HS3ST4: variants seen among roughly 807,000 people sequenced by gnomAD.
HS3ST4 encodes heparan sulfate-glucosamine 3-sulfotransferase 4, also known as heparan sulfate glucosamine 3-O-sulfotransferase 4.
Under a neutral mutation model 29.2 loss-of-function variants are expected in HS3ST4, and 17 were observed. The observed-to-expected ratio is 0.58, with a 90% CI of 0.40 to 0.87. HS3ST4 has a LOEUF of 0.87. HS3ST4 is among the 40% of genes least tolerant of loss of function. The pLI, the probability that HS3ST4 is intolerant of heterozygous loss-of-function variation, is 0.00. For missense variants in HS3ST4, 627 were observed against 634.5 expected (o/e 0.99, Z 0.13); for synonymous variants, 314 against 285.7 (o/e 1.10, Z -1.00).
chr16:26,005,148 T>G (rs1969246506), intron 1 of HS3ST4, among the ~76,000 whole-genome samples: 1 of 152,226 alleles, frequency 6.6e-6, no homozygotes, highest in Admixed American at 6.5e-5. Flanking sequence ...TGCAAAATGC[T>G]TACTTTCTGA....
intron 1 of HS3ST4, among the ~76,000 whole-genome samples, chr16:25,791,607 T>C (rs894680589): frequency 1.4e-4 from 22 of 152,112 alleles, no homozygotes; most frequent in African/African-American, 1.2e-4. Flanking sequence ...TTGTAGACTT[T>C]TGTATAGAGT....
rs148667524 is a variant in HS3ST4, at chr16:25,706,665, C to G, written c.734+13514C>G. On this transcript the variant is annotated intron_variant, in intron 1 of 1. Coordinates refer to ENST00000331351, the MANE Select transcript of HS3ST4 (RefSeq NM_006040.3). ...CTGCTTTCTAACCCTCTGTGCTAGA[C>G]AGAATAATGACCTCCCTGAAATGCC... Among the ~76,000 whole-genome samples the G allele has an allele frequency of 3.5e-3, 529 of 152,246 alleles. 7 individuals carry two copies. Among genetic ancestry groups the G allele is most frequent in the African/African-American group, 0.012 (508 of 41,550 alleles).
At chr16:26,000,544 G>A (rs1969203603) in intron 1 of HS3ST4, among the ~76,000 whole-genome samples, 1 of 152,156 alleles carries the variant, frequency 6.6e-6, no homozygotes, top group African/African-American at 2.4e-5. Context: ...GATATCCGTG[G>A]AACCAGAGAA....
chr16:26,044,041 A>G (rs372942451), intron 1 of HS3ST4, among the ~76,000 whole-genome samples: 1 of 152,192 alleles, frequency 6.6e-6, no homozygotes, highest in African/African-American at 2.4e-5. Flanking sequence ...AAGTTTGACA[A>G]ATAGCCACAA....
intron 1 of HS3ST4, among the ~76,000 whole-genome samples, chr16:25,702,351 A>C (rs757562411): frequency 6.6e-6 from 1 of 152,210 alleles, no homozygotes; most frequent in African/African-American, 2.4e-5. Context: ...GTGAAAATAT[A>C]ATGGGAAAAA....
intron 1 of HS3ST4, among the ~76,000 whole-genome samples, chr16:25,722,602 T>C (rs1385963982): frequency 6.6e-6 from 1 of 152,160 alleles, no homozygotes; most frequent in Non-Finnish European, 1.5e-5. Flanking sequence ...TCAAGTGGAT[T>C]TTGGAAGAAA....
chr16:25,911,907 T>G (rs1381026381), intron 1 of HS3ST4, among the ~76,000 whole-genome samples: 1 of 152,108 alleles, frequency 6.6e-6, no homozygotes, highest in East Asian at 1.9e-4. Flanking sequence ...ATGTATTGAA[T>G]AAGAGTGAGT....
chr16:25,727,312 C>A (rs1201096065), intron 1 of HS3ST4, among the ~76,000 whole-genome samples: 1 of 152,028 alleles, frequency 6.6e-6, no homozygotes, highest in Non-Finnish European at 1.5e-5. Flanking sequence ...AAGAATGAGA[C>A]AGAGATGTAT....
intron 1 of HS3ST4, among the ~76,000 whole-genome samples, chr16:25,756,873 G>A (rs1966761509): frequency 6.6e-6 from 1 of 152,184 alleles, no homozygotes; most frequent in African/African-American, 2.4e-5. Context: ...GTGAAAACCT[G>A]TGAAACTTCA....
chr16:25,720,493 G>C (rs140245812), intron 1 of HS3ST4, among the ~76,000 whole-genome samples: 1 of 152,196 alleles, frequency 6.6e-6, no homozygotes, highest in African/African-American at 2.4e-5. Context: ...AAGTTTGAGA[G>C]GTAATTGTTG....
intron 1 of HS3ST4, among the ~76,000 whole-genome samples, chr16:25,867,985 G>A (rs923244600): frequency 6.6e-6 from 1 of 152,174 alleles, no homozygotes; most frequent in African/African-American, 2.4e-5. Flanking sequence ...TATTATGTAA[G>A]TATGGGTAGG....
At chr16:25,875,994 T>A (rs141441392) in intron 1 of HS3ST4, among the ~76,000 whole-genome samples, 4 of 152,282 alleles carry the variant, frequency 2.6e-5, no homozygotes, top group Non-Finnish European at 4.4e-5. Flanking sequence ...TTACAAAGAT[T>A]TCTGGAACAT....
intron 1 of HS3ST4, among the ~76,000 whole-genome samples, chr16:26,103,954 A>G (rs1899019480): frequency 6.6e-6 from 1 of 152,192 alleles, no homozygotes; most frequent in Admixed American, 6.5e-5. Flanking sequence ...CTCACACACG[A>G]AATACAAAGT....
intron 1 of HS3ST4, among the ~76,000 whole-genome samples, chr16:25,859,138 A>C (rs1413193718): frequency 6.6e-6 from 1 of 152,186 alleles, no homozygotes; most frequent in African/African-American, 2.4e-5. Flanking sequence ...TGTTCTAAAA[A>C]TCACATATGA....
chr16:26,053,616 TG>T (rs1162250811), intron 1 of HS3ST4, among the ~76,000 whole-genome samples: 1 of 152,198 alleles, frequency 6.6e-6, no homozygotes, highest in Non-Finnish European at 1.5e-5. Flanking sequence ...GGGACTTTCA[TG>T]TATGTTCCTG....
intron 1 of HS3ST4, among the ~76,000 whole-genome samples, chr16:25,966,673 T>A (rs140439824): frequency 6.7e-6 from 1 of 149,054 alleles, no homozygotes; most frequent in East Asian, 2.0e-4. Flanking sequence ...GAGAATTATA[T>A]CACTGTTCTC....
At chr16:25,986,061 T>C (rs1261628023) in intron 1 of HS3ST4, among the ~76,000 whole-genome samples, 3 of 152,168 alleles carry the variant, frequency 2.0e-5, no homozygotes, top group African/African-American at 7.2e-5. Context: ...TTTCATAAAT[T>C]CTACCCATCC....
At chr16:25,969,501 G>A (rs928041565) in intron 1 of HS3ST4, among the ~76,000 whole-genome samples, 13 of 152,328 alleles carry the variant, frequency 8.5e-5, no homozygotes, top group African/African-American at 2.6e-4. Flanking sequence ...AGTTCATTGC[G>A]AAACAGTCAG....
At chr16:26,002,458 A>G (rs1273542344) in intron 1 of HS3ST4, among the ~76,000 whole-genome samples, 2 of 152,158 alleles carry the variant, frequency 1.3e-5, no homozygotes, top group African/African-American at 4.8e-5. Context: ...TATAGAGGAA[A>G]TAAACCAGAA....
Sources: allele counts gnomAD v4.1 joint callset (sites outside exome capture counted in the v4.1 genomes callset), GRCh38; gene constraint gnomAD v4.1.1; transcripts MANE v1.5; gene names NCBI Gene and HGNC (gene_info 2026-07-23, HGNC 2026-07-21).